The following CADM2 variants were observed in gnomAD, a reference collection of about 807,000 sequenced individuals.
CADM2 encodes the protein immunoglobulin superfamily member 4D.
CADM2 carries 12 observed loss-of-function variants against 49.8 expected under a neutral mutation model. The observed-to-expected ratio is 0.24, with a 90% CI of 0.15 to 0.39. CADM2 has a LOEUF of 0.39. Ranked by LOEUF, CADM2 falls within the 10% of genes least tolerant of loss-of-function variation. The pLI is 1.00. For missense variants in CADM2, 378 were observed against 492.3 expected, an observed-to-expected ratio of 0.77 and a Z score of 2.20; for synonymous variants, 214 against 175.4, an observed-to-expected ratio of 1.22 and a Z score of -1.74.
chr3:85,837,193 G>C (rs2074450226), intron 3 of CADM2, among the ~76,000 whole-genome samples: 1 of 151,474 alleles, frequency 6.6e-6, no homozygotes, highest in Non-Finnish European at 1.5e-5. Context: ...TACTTCATGT[G>C]TTATAATGTT....
At chr3:85,416,695 A>G (rs1200945542) in intron 1 of CADM2, among the ~76,000 whole-genome samples, 1 of 152,146 alleles carries the variant, frequency 6.6e-6, no homozygotes, top group Non-Finnish European at 1.5e-5. Flanking sequence ...ATTTCACAAA[A>G]GTATGCCTGC....
chr3:84,999,575 C>T (rs2107208672), intron 1 of CADM2, among the ~76,000 whole-genome samples: 1 of 152,170 alleles, frequency 6.6e-6, no homozygotes, highest in Non-Finnish European at 1.5e-5. Context: ...AAAAATGTAG[C>T]ATGAAATAGA....
intron 1 of CADM2, among the ~76,000 whole-genome samples, chr3:85,377,265 G>T (rs1360969418): frequency 6.6e-6 from 1 of 152,076 alleles, no homozygotes; most frequent in African/African-American, 2.4e-5. Context: ...AAGCTGTAAA[G>T]TTCTCATGGT....
At chr3:85,453,564 G>T (rs1472632117) in intron 1 of CADM2, among the ~76,000 whole-genome samples, 5 of 152,082 alleles carry the variant, frequency 3.3e-5, no homozygotes, top group Admixed American at 3.3e-4. Flanking sequence ...GAGTAACACA[G>T]TCCAGAATAT....
At chr3:85,643,188 A>G (rs1021303021) in intron 1 of CADM2, among the ~76,000 whole-genome samples, 9 of 152,258 alleles carry the variant, frequency 5.9e-5, no homozygotes, top group Middle Eastern at 3.4e-3. Flanking sequence ...TGCTTGTTTA[A>G]TGTAGCACGT....
chr3:85,350,522 T>C (rs891384851), intron 1 of CADM2, among the ~76,000 whole-genome samples: 1 of 152,196 alleles, frequency 6.6e-6, no homozygotes, highest in Non-Finnish European at 1.5e-5. Flanking sequence ...CATCTTTTCC[T>C]ATTCCAAATA....
At chr3:85,135,594 A>G (rs2039394303) in intron 1 of CADM2, among the ~76,000 whole-genome samples, 1 of 152,082 alleles carries the variant, frequency 6.6e-6, no homozygotes, top group African/African-American at 2.4e-5. Flanking sequence ...GGTGTGAAAA[A>G]TTAGCCTCAA....
intron 1 of CADM2, among the ~76,000 whole-genome samples, chr3:85,209,657 A>G (rs2107764653): frequency 6.6e-6 from 1 of 152,088 alleles, no homozygotes; most frequent in African/African-American, 2.4e-5. Context: ...TGAGCTTCTC[A>G]GGCATCTTAA....
chr3:85,874,569 A>T (rs1279550339), intron 3 of CADM2, among the ~76,000 whole-genome samples: 1 of 152,152 alleles, frequency 6.6e-6, no homozygotes, highest in Non-Finnish European at 1.5e-5. Flanking sequence ...TGAGGAGACC[A>T]ATATATTGTA....
At chr3:85,717,502 GC>G (rs1228520919) in intron 1 of CADM2, among the ~76,000 whole-genome samples, 1 of 152,042 alleles carries the variant, frequency 6.6e-6, no homozygotes, top group Non-Finnish European at 1.5e-5. Flanking sequence ...TCCCCTGATT[GC>G]CCTGGCCAGA....
At chr3:85,545,177 A>G (rs1018820394) in intron 1 of CADM2, among the ~76,000 whole-genome samples, 10 of 152,198 alleles carry the variant, frequency 6.6e-5, no homozygotes, top group Admixed American at 5.9e-4. Flanking sequence ...AATCATGCCA[A>G]TAATAAGCAT....
intron 1 of CADM2, among the ~76,000 whole-genome samples, chr3:84,979,209 T>G (rs559597157): frequency 6.6e-6 from 1 of 152,326 alleles, no homozygotes; most frequent in Non-Finnish European, 1.5e-5. Flanking sequence ...ACAAAAGTGT[T>G]ATATAATGAT....
intron 1 of CADM2, among the ~76,000 whole-genome samples, chr3:85,622,275 G>C (rs1361589209): frequency 6.6e-6 from 1 of 152,014 alleles, no homozygotes; most frequent in African/African-American, 2.4e-5. Flanking sequence ...TAAATACAAA[G>C]CTTCTATCTA....
At chr3:85,061,521 G>A (rs945645857) in intron 1 of CADM2, among the ~76,000 whole-genome samples, 1 of 152,104 alleles carries the variant, frequency 6.6e-6, no homozygotes, top group Non-Finnish European at 1.5e-5. Flanking sequence ...TCAACATCGG[G>A]AGTATTCCTA....
rs145328905 is a variant in CADM2, at chr3:85,713,497, A to G, written c.62-13025A>G. ...AAAGCACTGGCTTTATCAATAATAT[A>G]TAGAAACATGAAATAGAAGGCAGAA... On this transcript the variant is annotated intron_variant, in intron 1 of 9. Coordinates refer to ENST00000383699, the MANE Select transcript of CADM2 (RefSeq NM_001167675.2). 8.4e-4 allele frequency among the ~76,000 whole-genome samples: 128 copies of G among 152,262 alleles called. 1 individual carries two copies. The highest frequency in any genetic ancestry group is 2.7e-3 in the African/African-American group (113 of 41,546).
At chr3:85,894,504 C>A (rs76087829) in intron 5 of CADM2, among the ~76,000 whole-genome samples, 8,728 of 151,644 alleles carry the variant, frequency 0.058, 634 homozygotes, top group African/African-American at 0.17. Context: ...AAAAAAAAAA[C>A]CCCATTTTCT....
chr3:85,024,416 G>A lies in CADM2; in HGVS notation c.61+64748G>A, dbSNP rs72903328. On this transcript the variant is annotated intron_variant, in intron 1 of 9. Coordinates refer to ENST00000383699, the MANE Select transcript of CADM2 (RefSeq NM_001167675.2). ...CAAAATCCAAGTTGATCTGATTCTA[G>A]AGCTTATTCCCTTAACCATTATCCT... 8.0e-3 allele frequency among the ~76,000 whole-genome samples: 1,213 copies of A among 152,124 alleles called. 14 individuals carry two copies. Among genetic ancestry groups the A allele is most frequent in the African/African-American group, 0.027 (1,138 of 41,546 alleles).
chr3:85,666,710 C>CT (rs11372396), intron 1 of CADM2, among the ~76,000 whole-genome samples: 2 of 151,498 alleles, frequency 1.3e-5, no homozygotes, highest in East Asian at 3.9e-4. Context: ...TTTCTTCCTT[C>CT]GATATGGGAC....
intron 3 of CADM2, among the ~76,000 whole-genome samples, chr3:85,838,397 G>A (rs921740127): frequency 1.3e-5 from 2 of 151,766 alleles, no homozygotes; most frequent in Non-Finnish European, 2.9e-5. Flanking sequence ...GCTTGAAGCC[G>A]AGATTGGAGC....
Sources: allele counts gnomAD v4.1 joint callset (sites outside exome capture counted in the v4.1 genomes callset), GRCh38; gene constraint gnomAD v4.1.1; transcripts MANE v1.5; gene names NCBI Gene and HGNC (gene_info 2026-07-23, HGNC 2026-07-21).